The following LAMA2 variants were observed in gnomAD, a reference collection of about 807,000 sequenced individuals.
LAMA2 encodes the protein laminin subunit alpha-2.
A neutral mutation model predicts 364.8 loss-of-function variants in LAMA2; 269 were observed. The observed-to-expected ratio is 0.74, with a 90% CI of 0.67 to 0.82. The LOEUF (loss-of-function observed/expected upper bound fraction) is 0.82. Ranked by LOEUF, LAMA2 falls within the 40% of genes least tolerant of loss-of-function variation. The pLI, the probability that LAMA2 is intolerant of heterozygous loss-of-function variation, is 0.00. For synonymous variants in LAMA2, 1,379 were observed against 1,370.6 expected, an observed-to-expected ratio of 1.01 and a Z score of -0.14; for missense variants, 3,807 against 3,873.2, an observed-to-expected ratio of 0.98 and a Z score of 0.45.
chr6:129,215,242 C>A (rs1432908500), intron 12 of LAMA2, among the ~76,000 whole-genome samples: 1 of 152,140 alleles, frequency 6.6e-6, no homozygotes. Flanking sequence ...AGATAAAATG[C>A]TACCTACAAA....
At chr6:129,226,468 A>G (rs1422149109) in intron 12 of LAMA2, among the ~76,000 whole-genome samples, 4 of 152,150 alleles carry the variant, frequency 2.6e-5, no homozygotes, top group Admixed American at 6.5e-5. Flanking sequence ...AGTGGCTGGT[A>G]CTGGTTGTTC....
Position 128,943,269 on chromosome 6 carries a change from C to CAGAGAGAGAG in LAMA2, c.112+59941_112+59950dup, listed in dbSNP as rs6149801. Among the ~76,000 whole-genome samples, 711 of 143,150 alleles carry CAGAGAGAGAG rather than the reference C, an allele frequency of 5.0e-3. 4 individuals carry two copies. Among genetic ancestry groups the CAGAGAGAGAG allele is most frequent in the African/African-American group, 0.018 (687 of 38,578 alleles). 93.9% of individuals were successfully genotyped at this position (143,150 alleles called of 152,430 possible). On this transcript the variant is annotated intron_variant, in intron 1 of 64. Coordinates refer to ENST00000421865, the MANE Select transcript of LAMA2 (RefSeq NM_000426.4). ...GAGAGAGTGTGTGTGTATATATACA[C>CAGAGAGAGAG]AGAGAGAGAGAGAGAGAGAGAGAGA...
chr6:128,889,701 C>A (rs1776341208), intron 1 of LAMA2, among the ~76,000 whole-genome samples: 1 of 152,022 alleles, frequency 6.6e-6, no homozygotes, highest in South Asian at 2.1e-4. Flanking sequence ...TTACTTAAAT[C>A]TTCCTTATTA....
chr6:129,398,851 C>T (rs1418388792), intron 37 of LAMA2, among the ~76,000 whole-genome samples: 1 of 152,154 alleles, frequency 6.6e-6, no homozygotes, highest in Non-Finnish European at 1.5e-5. Context: ...ATAAAACTGT[C>T]TTTATGGAAT....
At chr6:129,179,780 C>A (rs1407897214) in intron 10 of LAMA2, among the ~76,000 whole-genome samples, 1 of 152,034 alleles carries the variant, frequency 6.6e-6, no homozygotes, top group African/African-American at 2.4e-5. Flanking sequence ...TAAATTGTTT[C>A]AGGATTAAAA....
At chr6:128,972,913 T>C (rs1782279156) in intron 1 of LAMA2, among the ~76,000 whole-genome samples, 1 of 152,200 alleles carries the variant, frequency 6.6e-6, no homozygotes, top group Non-Finnish European at 1.5e-5. Flanking sequence ...ATATTGAGGT[T>C]ATTTTAGTTA....
intron 8 of LAMA2, chr6:129,157,548 A>G (rs1204064442): frequency 4.3e-6 from 7 of 1,612,474 alleles, no homozygotes; most frequent in African/African-American, 1.3e-5. Context: ...TTGGGATTCA[A>G]CCATCTTGGC....
At chr6:129,389,956 A>G (rs995806600) in intron 35 of LAMA2, among the ~76,000 whole-genome samples, 7 of 152,190 alleles carry the variant, frequency 4.6e-5, no homozygotes, top group African/African-American at 1.7e-4. Context: ...CTGCCTCCAA[A>G]TACCATCACA....
rs534601661 is a variant in LAMA2, at chr6:129,492,087, T to A, written c.8075+10T>A. On this transcript the variant is annotated intron_variant, in intron 57 of 64. Coordinates refer to ENST00000421865, the MANE Select transcript of LAMA2 (RefSeq NM_000426.4). ...TTGTTATTAACTCTGTGTAAGTGGA[T>A]CTCCTCATTACTACTACTAATTTTT... 1.2e-6 allele frequency: 2 copies of A among 1,609,260 alleles called. No homozygotes were observed. The highest frequency in any genetic ancestry group is 1.1e-5 in the South Asian group (1 of 91,016).
chr6:129,035,420 T>A (rs972808727), intron 1 of LAMA2, among the ~76,000 whole-genome samples: 1 of 151,776 alleles, frequency 6.6e-6, no homozygotes, highest in African/African-American at 2.4e-5. Context: ...ATTTGTCAGA[T>A]GCACAGTTAG....
At chr6:129,072,869 T>G (rs2114821908) in intron 3 of LAMA2, among the ~76,000 whole-genome samples, 2 of 152,284 alleles carry the variant, frequency 1.3e-5, no homozygotes, top group Admixed American at 1.3e-4. Flanking sequence ...TATATTAAAC[T>G]CCATAGGAAG....
chr6:129,507,558 C>G lies in LAMA2; in HGVS notation c.8773C>G (p.Pro2925Ala). 1 of 1,614,154 alleles carries G rather than the reference C, an allele frequency of 6.2e-7. No homozygotes were observed. The highest frequency in any genetic ancestry group is 8.5e-7 in the Non-Finnish European group (1 of 1,179,960). Residue 2925 changes from proline to alanine, a missense_variant, in exon 62 of 65, where the codon CCC becomes GCC. Around this residue, in one of 3 missense-constraint regions of LAMA2, gnomAD observed 3,333 missense variants for 3,345.7 expected, o/e 1.00. Coordinates refer to ENST00000421865, the MANE Select transcript of LAMA2 (RefSeq NM_000426.4). ...MAEAPADLEQ[P>A]TSSFHVGTCF... Reference sequence around the variant, plus strand: ...AGAGGCCCCTGCCGATCTGGAACAACCCACCTCCAGCTTCCATGTTGGGAC... The same window carrying G: ...AGAGGCCCCTGCCGATCTGGAACAAGCCACCTCCAGCTTCCATGTTGGGAC...
At chr6:128,997,326 GAGAA>G (rs1157364350) in intron 1 of LAMA2, among the ~76,000 whole-genome samples, 124 of 99,028 alleles carry the variant, frequency 1.3e-3, no homozygotes, top group African/African-American at 4.3e-3. Flanking sequence ...AAGAGAGAGA[GAGAA>G]AGAAAGAGAA....
intron 43 of LAMA2, chr6:129,442,337 G>A: frequency 1.1e-5 from 7 of 619,436 alleles, no homozygotes; most frequent in Non-Finnish European, 1.5e-5. Context: ...TGAAAAAGGG[G>A]AGATAAAAAC....
intron 1 of LAMA2, among the ~76,000 whole-genome samples, chr6:128,933,150 C>T (rs13194622): frequency 6.6e-6 from 1 of 151,930 alleles, no homozygotes; most frequent in Non-Finnish European, 1.5e-5. Context: ...TCAGGCTTAT[C>T]CATGTCATTG....
intron 10 of LAMA2, among the ~76,000 whole-genome samples, chr6:129,188,368 T>G (rs1745427559): frequency 6.6e-6 from 1 of 151,922 alleles, no homozygotes; most frequent in African/African-American, 2.4e-5. Context: ...TGTCTGCAAA[T>G]TTCTAATTGT....
chr6:128,943,063 T>A (rs2114546985), intron 1 of LAMA2, among the ~76,000 whole-genome samples: 1 of 152,338 alleles, frequency 6.6e-6, no homozygotes, highest in South Asian at 2.1e-4. Context: ...AGCTATTTTT[T>A]AAGACATATA....
At chr6:129,465,383 T>A in intron 51 of LAMA2, 94 bp downstream of exon 51, 2 of 1,116,668 alleles carry the variant, frequency 1.8e-6, no homozygotes, top group Middle Eastern at 2.3e-4. Context: ...GTCTATAATT[T>A]TAGCTACTCA....
chr6:129,357,424 G>A (rs1291263488), intron 32 of LAMA2, among the ~76,000 whole-genome samples: 1 of 151,962 alleles, frequency 6.6e-6, no homozygotes, highest in Non-Finnish European at 1.5e-5. Flanking sequence ...AATTGGTGTT[G>A]CCTATTTTTA....
Sources: gnomAD v4.1 joint callset for allele counts (sites outside exome capture counted in the v4.1 genomes callset) on GRCh38, gnomAD v4.1.1 for gene constraint, gnomAD v4.1.1 regional missense constraint, MANE v1.5 for transcripts, NCBI Gene and HGNC (gene_info 2026-07-23, HGNC 2026-07-21) for gene names.